Variants in ST18 observed in about 807,000 individuals in gnomAD.
ST18 encodes ST18 C2H2C-type zinc finger transcription factor.
Under a neutral mutation model 110.0 loss-of-function variants are expected in ST18, and 50 were observed. The observed-to-expected ratio is 0.45, with a 90% confidence interval of 0.36 to 0.58. ST18 has a LOEUF of 0.58. ST18 is among the 20% of genes least tolerant of loss of function. The pLI is 0.00. For synonymous variants in ST18, 461 were observed against 452.4 expected, an observed-to-expected ratio of 1.02 and a Z score of -0.24; for missense variants, 1,306 against 1,280.1, an observed-to-expected ratio of 1.02 and a Z score of -0.31.
intron 10 of ST18, among the ~76,000 whole-genome samples, chr8:52,170,273 CG>C (rs1229306871): frequency 3.3e-5 from 5 of 152,068 alleles, no homozygotes; most frequent in Non-Finnish European, 5.9e-5. Context: ...CCGGCCAACA[CG>C]GGGAAACCCC....
At chr8:52,314,453 C>A (rs563164691) in intron 2 of ST18, among the ~76,000 whole-genome samples, 1 of 152,340 alleles carries the variant, frequency 6.6e-6, no homozygotes, top group African/African-American at 2.4e-5. Flanking sequence ...GAAGACATTA[C>A]TGTACCTGTC....
chr8:52,202,425 T>A (rs941174591), intron 8 of ST18, among the ~76,000 whole-genome samples: 24 of 152,208 alleles, frequency 1.6e-4, no homozygotes, highest in Non-Finnish European at 2.2e-4. Flanking sequence ...GTTTTTTTTT[T>A]AAATATAGGT....
chr8:52,125,922 G>T, intron 23 of ST18, 130 bp downstream of exon 23: 2 of 741,370 alleles, frequency 2.7e-6, no homozygotes, highest in African/African-American at 1.8e-5. Flanking sequence ...GTTCAAATCT[G>T]AGGAAACCTT....
chr8:52,366,284 A>G (rs915239730), intron 2 of ST18, among the ~76,000 whole-genome samples: 6 of 147,858 alleles, frequency 4.1e-5, no homozygotes, highest in African/African-American at 1.6e-4. Context: ...CCCTGTTTCA[A>G]TGTTGCCCCT....
chr8:52,164,252 A>G (rs778039151), intron 12 of ST18, among the ~76,000 whole-genome samples, 162 bp from the exon 13 acceptor site: 6 of 152,228 alleles, frequency 3.9e-5, no homozygotes, highest in Non-Finnish European at 7.3e-5. Context: ...GGTTTTGCAA[A>G]CTACAGTGTC....
chr8:52,396,387 C>T (rs977381473), intron 2 of ST18, among the ~76,000 whole-genome samples: 3 of 152,116 alleles, frequency 2.0e-5, no homozygotes, highest in Non-Finnish European at 2.9e-5. Context: ...CTGTGTCTGG[C>T]TTACTTCACT....
intron 2 of ST18, among the ~76,000 whole-genome samples, chr8:52,257,487 G>A (rs1271769796): frequency 6.6e-6 from 1 of 152,046 alleles, no homozygotes; most frequent in African/African-American, 2.4e-5. Flanking sequence ...CGGTGGGTGT[G>A]AGGTGGCATT....
At chr8:52,399,087 G>T (rs755770456) in intron 2 of ST18, among the ~76,000 whole-genome samples, 25 of 152,018 alleles carry the variant, frequency 1.6e-4, no homozygotes, top group Non-Finnish European at 3.1e-4. Flanking sequence ...TGGTTGGAAG[G>T]TTTTTAACTA....
At chr8:52,156,092 G>C (rs1382295474) in intron 15 of ST18, among the ~76,000 whole-genome samples, 1 of 152,196 alleles carries the variant, frequency 6.6e-6, no homozygotes, top group Non-Finnish European at 1.5e-5. Context: ...CTGGATGAAA[G>C]GAAGCTCACC....
intron 2 of ST18, among the ~76,000 whole-genome samples, chr8:52,267,881 C>T (rs1251449934): frequency 6.6e-6 from 1 of 152,196 alleles, no homozygotes; most frequent in Admixed American, 6.5e-5. Context: ...TCCTCAACTG[C>T]TGTCTCATTT....
chr8:52,363,419 C>T (rs929006492), intron 2 of ST18, among the ~76,000 whole-genome samples: 3 of 152,034 alleles, frequency 2.0e-5, no homozygotes, highest in Non-Finnish European at 4.4e-5. Context: ...CATGTTCAGC[C>T]TGTTAATTAA....
At position 52,137,407 on chromosome 8, in the gene ST18, A is replaced by T; in HGVS notation, c.2231+14T>A. ...GACCATGAAAATCTGACTGCACATG[A>T]GGTCATTGGGTACCTGCGATGAGAT... On this transcript the variant is annotated intron_variant, in intron 18 of 25. Coordinates refer to ENST00000689386, the MANE Select transcript of ST18 (RefSeq NM_001352837.2). 1 of 1,614,024 alleles carries T rather than the reference A, an allele frequency of 6.2e-7. No homozygotes were observed. Among genetic ancestry groups the T allele is most frequent in the Non-Finnish European group, 8.5e-7 (1 of 1,179,912 alleles).
At chr8:52,235,643 T>TTTTTAAGCTTCACA (rs1187661596) in intron 2 of ST18, among the ~76,000 whole-genome samples, 4 of 152,222 alleles carry the variant, frequency 2.6e-5, no homozygotes, top group African/African-American at 9.6e-5. Flanking sequence ...TTCAGATTCA[T>TTTTTAAGCTTCACA]TTGTAAGACT....
chr8:52,386,257 A>T (rs1043984430), intron 2 of ST18, among the ~76,000 whole-genome samples: 7 of 152,208 alleles, frequency 4.6e-5, no homozygotes, highest in Non-Finnish European at 7.3e-5. Context: ...GTAAATTTTT[A>T]AAAATTTTAA....
chr8:52,175,309 A>G (rs962634672), intron 9 of ST18, among the ~76,000 whole-genome samples: 3 of 152,126 alleles, frequency 2.0e-5, no homozygotes, highest in African/African-American at 7.2e-5. Context: ...AGATGGGCTT[A>G]GTTTTTTACC....
chr8:52,153,588 T>TAGAGGAGAAATGATC (rs1235918021), intron 15 of ST18, among the ~76,000 whole-genome samples: 1 of 152,172 alleles, frequency 6.6e-6, no homozygotes, highest in African/African-American at 2.4e-5. Flanking sequence ...TCAAAATAAA[T>TAGAGGAGAAATGATC]AGAGGAGAAA....
rs554199141 is a variant in ST18, at chr8:52,386,217, A to G, written c.-465+23111T>C. 5.9e-5 allele frequency among the ~76,000 whole-genome samples: 9 copies of G among 152,354 alleles called. No homozygotes were observed. In the East Asian group the frequency reaches 1.3e-3, roughly 23 times the overall value. On this transcript the variant is annotated intron_variant, in intron 2 of 25. Coordinates refer to ENST00000689386, the MANE Select transcript of ST18 (RefSeq NM_001352837.2). Reference sequence around the variant, plus strand: ...ACCTTTATAAAGCATGTTTAATGCCATGGTAGAATTTATATTATACAATTT... The same window carrying G: ...ACCTTTATAAAGCATGTTTAATGCCGTGGTAGAATTTATATTATACAATTT...
chr8:52,222,854 G>C (rs554917544), intron 3 of ST18, among the ~76,000 whole-genome samples: 1 of 152,280 alleles, frequency 6.6e-6, no homozygotes, highest in East Asian at 1.9e-4. Flanking sequence ...CATTTTTGAA[G>C]GCAGTTAACC....
At position 52,322,844 on chromosome 8, in the gene ST18, C is replaced by G. The variant is rs557900747; in HGVS notation, c.-465+86484G>C. ...AGAAAATACCACACTCAAGAGTTCA[C>G]TTTAAAAGAATCTGATAGCTATCAT... is the stretch of plus-strand genomic sequence containing the variant. On this transcript the variant is annotated intron_variant, in intron 2 of 25. Coordinates refer to ENST00000689386, the MANE Select transcript of ST18 (RefSeq NM_001352837.2). Among the ~76,000 whole-genome samples, 275 of 152,344 alleles carry G rather than the reference C, an allele frequency of 1.8e-3. 2 individuals carry two copies. The highest frequency in any genetic ancestry group is 6.3e-3 in the African/African-American group (263 of 41,584).
Sources: allele counts gnomAD v4.1 joint callset (sites outside exome capture counted in the v4.1 genomes callset), GRCh38; gene constraint gnomAD v4.1.1; transcripts MANE v1.5; gene names NCBI Gene and HGNC (gene_info 2026-07-23, HGNC 2026-07-21).